Variants in ZNF732 observed in about 807,000 individuals in gnomAD.
The protein encoded by ZNF732 is zinc finger protein 732.
Under a neutral mutation model 11.5 loss-of-function variants are expected in ZNF732, and 12 were observed. That is an observed-to-expected ratio of 1.05 (90% CI 0.67 to 1.70). ZNF732 has a LOEUF of 1.70. Among genes scored for constraint, ZNF732 ranks in the 40% most tolerant of loss-of-function variants. The probability of loss-of-function intolerance (pLI) is 0.00; values close to 1 mark genes in which losing one functional copy is unlikely to be tolerated. For missense variants in ZNF732, 702 were observed against 676.9 expected, an observed-to-expected ratio of 1.04 and a Z score of -0.41; for synonymous variants, 231 against 236.5, an observed-to-expected ratio of 0.98 and a Z score of 0.21.
At chr4:292,784 C>T (rs1162640893) in intron 3 of ZNF732, among the ~76,000 whole-genome samples, 2 of 149,626 alleles carry the variant, frequency 1.3e-5, no homozygotes, top group Non-Finnish European at 3.0e-5. Context: ...CAGTGGCTCA[C>T]GCCTGTAATC....
chr4:275,869 T>C (rs1560157239), intron 3 of ZNF732, among the ~76,000 whole-genome samples: 1 of 151,678 alleles, frequency 6.6e-6, no homozygotes, highest in Non-Finnish European at 1.5e-5. Flanking sequence ...GACTTTAAAA[T>C]AAAAAACAGA....
chr4:271,419 C>G lies in ZNF732; in HGVS notation c.1438G>C (p.Gly480Arg). 1 of 1,603,108 alleles carries G rather than the reference C, an allele frequency of 6.2e-7. No homozygotes were observed. The highest frequency in any genetic ancestry group is 8.5e-7 in the Non-Finnish European group (1 of 1,174,356). ...GCTCTGGAACATAAAAAGGCTTTGCCACACTCTTCACATCTATAAGGTTTC... is the reference window on the plus strand; with the variant it reads ...GCTCTGGAACATAAAAAGGCTTTGCGACACTCTTCACATCTATAAGGTTTC... ...GEKPYRCEEC[G>R]KAFLCSRALN... Residue 480 changes from glycine (G) to arginine (R), a missense_variant, in exon 4 of 4, where the codon GGC becomes CGC. Gly to Arg is a moderately radical substitution (Grantham distance 125). Coordinates refer to ENST00000419098, the MANE Select transcript of ZNF732 (RefSeq NM_001137608.3).
chr4:293,460 C>T (rs1206426972), intron 3 of ZNF732, among the ~76,000 whole-genome samples: 1 of 151,844 alleles, frequency 6.6e-6, no homozygotes, highest in Admixed American at 6.6e-5. Flanking sequence ...CTTCTTCTCA[C>T]TTAGACAGGG....
rs1553837723 is a variant in ZNF732, at chr4:272,007, C to T, written c.850G>A (p.Gly284Ser). Residue 284 changes from glycine to serine, a missense_variant, in exon 4 of 4, where the codon GGC becomes AGC. This residue lies in a region of ZNF732 where 596 missense variants were observed against 557.9 expected (regional missense o/e 1.07). Transcript: ENST00000419098. ...EEKPFTCEEC[G>S]KIITSSSNVA... ...TTTGAGGATGAGGTAATGATTTTGCCACATTCTTCACATGTGAAGGGTTTC... is the reference window on the plus strand; with the variant it reads ...TTTGAGGATGAGGTAATGATTTTGCTACATTCTTCACATGTGAAGGGTTTC... 13 of 1,608,592 alleles carry T rather than the reference C, an allele frequency of 8.1e-6. No homozygotes were observed. The highest frequency in any genetic ancestry group is 1.1e-5 in the Non-Finnish European group (13 of 1,177,218).
At chr4:289,124 G>C (rs1038283411) in intron 3 of ZNF732, among the ~76,000 whole-genome samples, 1 of 152,328 alleles carries the variant, frequency 6.6e-6, no homozygotes. Flanking sequence ...AGAAGCAGGA[G>C]CAAGTGTGTG....
rs782584256 is a variant in ZNF732 at position 272,133 on chromosome 4, T to C, written c.724A>G (p.Lys242Glu). 2.9e-5 allele frequency: 46 copies of C among 1,613,344 alleles called. No individual in the cohort carries two copies. Among genetic ancestry groups the C allele is most frequent in the Non-Finnish European group, 3.8e-5 (45 of 1,179,586 alleles). ...TAAGATTTCTCTCCAGTATGAACTT[T>C]ATGTTTAGCAAAGTTTGAGGATGTG... is the stretch of plus-strand genomic sequence containing the variant. ...FTTSSNFAKH[K>E]VHTGEKSYKY... Residue 242 changes from lysine (K) to glutamate (E), a missense_variant, in exon 4 of 4, where the codon AAA (lysine) becomes GAA (glutamate). Coordinates refer to ENST00000419098, the MANE Select transcript of ZNF732 (RefSeq NM_001137608.3).
At chr4:300,390 G>C (rs1252121874) in intron 1 of ZNF732, among the ~76,000 whole-genome samples, 3 of 150,246 alleles carry the variant, frequency 2.0e-5, no homozygotes, top group Non-Finnish European at 4.4e-5. Flanking sequence ...TTGAACTCAG[G>C]GGGCAGAGGT....
chr4:279,288 CAA>C (rs1306282434), intron 3 of ZNF732, among the ~76,000 whole-genome samples: 1 of 151,118 alleles, frequency 6.6e-6, no homozygotes, highest in African/African-American at 2.4e-5. Flanking sequence ...AATACAAAAA[CAA>C]AAAAAATTAG....
chr4:294,008 T>C (rs570452739), intron 3 of ZNF732, among the ~76,000 whole-genome samples: 1 of 152,340 alleles, frequency 6.6e-6, no homozygotes, highest in East Asian at 1.9e-4. Context: ...AGTTTGGTTT[T>C]GGTTTTTTTG....
Position 305,349 on chromosome 4 carries a change from A to G in ZNF732, c.-39T>C, listed in dbSNP as rs1553844296. The stretch of plus-strand genomic sequence containing the variant: ...GGGTGTAGCGGAGTCTCAGCTACGA[A>G]TCATCCAATACCCGCAGGTCACAGA... On this transcript the variant is annotated 5_prime_UTR_variant, in exon 1 of 4. Transcript: ENST00000419098. 3 of 1,607,008 alleles carry G rather than the reference A, an allele frequency of 1.9e-6. No individual in the cohort carries two copies. Among genetic ancestry groups the G allele is most frequent in the African/African-American group, 1.3e-5 (1 of 75,004 alleles).
In ZNF732 at chr4:289,978, G is replaced by A. The variant is rs114055282; in HGVS notation, c.226+5460C>T. 4.3e-3 allele frequency among the ~76,000 whole-genome samples: 651 copies of A among 152,294 alleles called. 5 individuals carry two copies. The highest frequency in any genetic ancestry group is 0.015 in the African/African-American group (632 of 41,556). ...CTTCAACAGTTGAATAATTTAAAAG[G>A]ATGTGGCTTACACATACAATGAAAA... On this transcript the variant is annotated intron_variant, in intron 3 of 3. Coordinates refer to ENST00000419098, the MANE Select transcript of ZNF732 (RefSeq NM_001137608.3).
chr4:303,283 G>C (rs782095417), intron 1 of ZNF732, among the ~76,000 whole-genome samples: 1 of 151,854 alleles, frequency 6.6e-6, no homozygotes, highest in African/African-American at 2.4e-5. Flanking sequence ...CCCCTTCTTC[G>C]GGCCGAGAGA....
intron 3 of ZNF732, among the ~76,000 whole-genome samples, chr4:284,891 A>AAAGAAG (rs1553840429): frequency 1.5e-4 from 20 of 129,142 alleles, no homozygotes; most frequent in South Asian, 1.0e-3. Flanking sequence ...AAAAAAAAAA[A>AAAGAAG]AAGAAGAAGA....
At chr4:299,624 A>G (rs1178939551) in intron 1 of ZNF732, among the ~76,000 whole-genome samples, 1 of 141,972 alleles carries the variant, frequency 7.0e-6, no homozygotes, top group Non-Finnish European at 1.5e-5. Flanking sequence ...TATAAATAAT[A>G]TATTTGTATA....
chr4:305,409 C>A lies in ZNF732; in HGVS notation c.-99G>T. On this transcript the variant is annotated 5_prime_UTR_variant, in exon 1 of 4. Transcript: ENST00000419098. ...GCTGAGGCTGTGACCGAATCACCGA[C>A]GCCTCCCTGAGGGGTGAAAGCACGG... 2.6e-6 allele frequency: 4 copies of A among 1,557,788 alleles called. No homozygotes were observed. Among genetic ancestry groups the A allele is most frequent in the Non-Finnish European group, 3.5e-6 (4 of 1,143,916 alleles).
In ZNF732 at chr4:295,521, G is replaced by C; in HGVS notation, c.143C>G (p.Ser48Cys). Residue 48 changes from serine to cysteine, a missense_variant, in exon 3 of 4, where the codon TCT (serine) becomes TGT (cysteine). Ser to Cys is a moderately radical substitution (Grantham distance 112, BLOSUM62 -1). Around this residue, in one of 3 missense-constraint regions of ZNF732, gnomAD observed 596 missense variants for 557.9 expected, o/e 1.07. Coordinates refer to ENST00000419098, the MANE Select transcript of ZNF732 (RefSeq NM_001137608.3). ...RNLISLGVAI[S>C]NPDLVIYLEQ... ...CAGATAGATGACCAGGTCTGGGTTA[G>C]AGATAGCAACACCTGTTTATTTTAA... 8 of 1,612,340 alleles carry C rather than the reference G, an allele frequency of 5.0e-6. No individual in the cohort carries two copies. Among genetic ancestry groups the C allele is most frequent in the Non-Finnish European group, 6.8e-6 (8 of 1,179,126 alleles).
chr4:278,049 G>C (rs1229803722), intron 3 of ZNF732, among the ~76,000 whole-genome samples: 2 of 152,136 alleles, frequency 1.3e-5, no homozygotes, highest in Non-Finnish European at 2.9e-5. Flanking sequence ...CTACAAAAGA[G>C]AATATAATTT....
In ZNF732 at chr4:275,808, C is replaced by T. The variant is rs185776587; in HGVS notation, c.227-3178G>A. ...GATGACATTATACAACAAAAAGTCA[C>T]GAAGAGACAAACTATATGAATCAAC... On this transcript the variant is annotated intron_variant, in intron 3 of 3. Transcript: ENST00000419098. 2.8e-4 allele frequency among the ~76,000 whole-genome samples: 43 copies of T among 151,442 alleles called. 1 individual carries two copies. Among genetic ancestry groups the T allele is most frequent in the Middle Eastern group, 3.4e-3 (1 of 294 alleles).
In ZNF732 at chr4:270,819, T is replaced by C. The variant is rs1192978213; in HGVS notation, c.*280A>G. On this transcript the variant is annotated 3_prime_UTR_variant, in exon 4 of 4. Coordinates refer to ENST00000419098, the MANE Select transcript of ZNF732 (RefSeq NM_001137608.3). Reference sequence around the variant, plus strand: ...TATGTTCACTCAGGGTTGTGGACCATCTAAAAGCTTTGCCACATTCTTCAC... The same window carrying C: ...TATGTTCACTCAGGGTTGTGGACCACCTAAAAGCTTTGCCACATTCTTCAC... 1.4e-5 allele frequency: 9 copies of C among 635,884 alleles called. No homozygotes were observed. Among genetic ancestry groups the C allele is most frequent in the Non-Finnish European group, 2.4e-5 (8 of 338,640 alleles). The allele number at this position is 635,884 out of a possible 1,614,324, so 39.4% of individuals were successfully genotyped here. A position where few individuals can be genotyped will look rare whatever the true frequency, so the allele number is the denominator to read the frequency against.
Sources: gnomAD v4.1 joint callset for allele counts (sites outside exome capture counted in the v4.1 genomes callset) on GRCh38, gnomAD v4.1.1 for gene constraint, gnomAD v4.1.1 regional missense constraint, MANE v1.5 for transcripts, NCBI Gene and HGNC (gene_info 2026-07-23, HGNC 2026-07-21) for gene names.